The following LRRC32 variants were observed in gnomAD, a reference collection of about 807,000 sequenced individuals.
LRRC32 encodes the protein leucine rich repeat containing 32.
In LRRC32, 5 loss-of-function variants were observed where a neutral mutation model predicts 15.0. That is an observed-to-expected ratio of 0.33 (90% CI 0.17 to 0.70). The LOEUF is 0.70. Ranked by LOEUF, LRRC32 falls within the 30% of genes least tolerant of loss-of-function variation. The pLI is 0.66. For missense variants in LRRC32, 803 were observed against 854.2 expected, an observed-to-expected ratio of 0.94 and a Z score of 0.75; for synonymous variants, 391 against 403.9, an observed-to-expected ratio of 0.97 and a Z score of 0.38.
chr11:76,667,528 A>G (rs1435819307), intron 1 of LRRC32, among the ~76,000 whole-genome samples: 1 of 152,260 alleles, frequency 6.6e-6, no homozygotes, highest in Non-Finnish European at 1.5e-5. Flanking sequence ...CGCACAGACC[A>G]CAGCCGGACC....
chr11:76,667,996 GCTT>G (rs763815160), intron 1 of LRRC32, among the ~76,000 whole-genome samples: 1 of 152,240 alleles, frequency 6.6e-6, no homozygotes, highest in Non-Finnish European at 1.5e-5. Context: ...GAGCCCCTGA[GCTT>G]CCAGTGAGCA....
In LRRC32 at chr11:76,660,673, C is replaced by T; in HGVS notation, c.920G>A (p.Gly307Glu). The stretch of plus-strand genomic sequence containing the variant: ...GGAAAGGGGGCGGCCGCTGGCATTC[C>T]CGCTGGGGGCTGAGAGGGGCAGGGC... The part of the protein sequence containing the change: ...WSALPLSAPS[G>E]NASGRPLSQL... Residue 307 changes from glycine to glutamate, a missense_variant, in exon 3 of 3, where the codon GGG becomes GAG. Coordinates refer to ENST00000260061, the MANE Select transcript of LRRC32 (RefSeq NM_001128922.2). 1 of 1,614,118 alleles carries T rather than the reference C, an allele frequency of 6.2e-7. No homozygotes were observed. The highest frequency in any genetic ancestry group is 1.7e-5 in the Admixed American group (1 of 60,022).
At chr11:76,663,694 C>T (rs1952576795) in intron 2 of LRRC32, 1 of 152,450 alleles carries the variant, frequency 6.6e-6, no homozygotes, top group South Asian at 2.1e-4. Flanking sequence ...CACAACCTCT[C>T]TGTCTGCAGG....
In LRRC32 at chr11:76,660,921, G is replaced by A. The variant is rs766918387; in HGVS notation, c.672C>T (p.Asp224=). 2 of 1,614,210 alleles carry A rather than the reference G, an allele frequency of 1.2e-6. No homozygotes were observed. Among genetic ancestry groups the A allele is most frequent in the Non-Finnish European group, 8.5e-7 (1 of 1,180,048 alleles). Residue 224 remains aspartate, a synonymous_variant, in exon 3 of 3, where the codon GAC becomes GAT. Coordinates refer to ENST00000260061, the MANE Select transcript of LRRC32 (RefSeq NM_001128922.2). ...AGGCCTCGATGCTGTTGCAGCTCAG[G>A]TCTAGCACCCGCAGCTGCTGGAGGC... The part of the protein sequence containing the change: ...DFSLQQLRVL[D]LSCNSIEAFQ...
rs1488872540 is a variant in LRRC32 at position 76,659,924 on chromosome 11, C to G, written c.1669G>C (p.Gly557Arg). 6.2e-7 allele frequency: 1 copy of G among 1,613,624 alleles called. No individual in the cohort carries two copies. Among genetic ancestry groups the G allele is most frequent in the Non-Finnish European group, 8.5e-7 (1 of 1,179,962 alleles). ...CGCCGGAGGCTGGTCTCCAGGCCAC[C>G]CATGGCACTGCCTGGCAGGAGGCTG... is the stretch of plus-strand genomic sequence containing the variant. Reference protein sequence around the residue: ...SFSLLPGSAMGGLETSLRRLY... With the variant: ...SFSLLPGSAMRGLETSLRRLY... Residue 557 changes from glycine (G) to arginine (R), a missense_variant, in exon 3 of 3, where the codon GGT becomes CGT. Coordinates refer to ENST00000260061, the MANE Select transcript of LRRC32 (RefSeq NM_001128922.2).
chr11:76,665,743 A>T, intron 2 of LRRC32, 128 bp downstream of exon 2: 1 of 1,368,608 alleles, frequency 7.3e-7, no homozygotes, highest in Non-Finnish European at 1.0e-6. Context: ...GGTGCTCATT[A>T]AATGCAAGGT....
At chr11:76,661,785 T>C (rs1002360374) in intron 2 of LRRC32, among the ~76,000 whole-genome samples, 1 of 151,636 alleles carries the variant, frequency 6.6e-6, no homozygotes, top group Non-Finnish European at 1.5e-5. Context: ...GATAGACAGA[T>C]AGAAGGACAA....
At chr11:76,665,496 TGG>T (rs1952610542) in intron 2 of LRRC32, among the ~76,000 whole-genome samples, 1 of 152,176 alleles carries the variant, frequency 6.6e-6, no homozygotes, top group African/African-American at 2.4e-5. Flanking sequence ...CCCTCCCAGC[TGG>T]CCTACCCCAA....
In LRRC32 at chr11:76,659,527, T is replaced by A; in HGVS notation, c.*77A>T. On this transcript the variant is annotated 3_prime_UTR_variant, in exon 3 of 3. Coordinates refer to ENST00000260061, the MANE Select transcript of LRRC32 (RefSeq NM_001128922.2). ...CCAGAGTTCTGGGATCCCGGATCAC[T>A]GTGTGACCTTGAGTCAGTCCTCACT... 6.8e-7 allele frequency: 1 copy of A among 1,460,452 alleles called. No individual in the cohort carries two copies. The highest frequency in any genetic ancestry group is 1.3e-5 in the South Asian group (1 of 76,762). 90.5% of individuals were successfully genotyped at this position (1,460,452 alleles called of 1,614,324 possible).
At chr11:76,668,313 C>T (rs978141404) in intron 1 of LRRC32, among the ~76,000 whole-genome samples, 2 of 152,134 alleles carry the variant, frequency 1.3e-5, no homozygotes, top group African/African-American at 2.4e-5. Flanking sequence ...CAGACCGAGA[C>T]GCCACCCCAA....
Position 76,661,362 on chromosome 11 carries a change from G to A in LRRC32, c.231C>T (p.His77=), listed in dbSNP as rs1952528935. 2 of 1,614,204 alleles carry A rather than the reference G, an allele frequency of 1.2e-6. No individual in the cohort carries two copies. The highest frequency in any genetic ancestry group is 2.7e-5 in the African/African-American group (2 of 75,046). The change falls in exon 3 of 3, where the codon CAC becomes CAT. Residue 77 remains histidine, a synonymous_variant. Transcript: ENST00000260061. ...SPLGFYTALR[H]LDLSTNEISF... is the part of the protein sequence containing the mutation. ...TGATCTCATTGGTGCTCAGGTCCAG[G>A]TGACGAAGTGCTGTGTAGAAGCCCA...
chr11:76,659,375 C>G lies in LRRC32; in HGVS notation c.*229G>C, dbSNP rs540700020. On this transcript the variant is annotated 3_prime_UTR_variant, in exon 3 of 3. Transcript: ENST00000260061. ...GTTGATCTGACAGGTCAACATTATT[C>G]TCGGCTGTCCCTGAAACCGCCCAAC... 5.4e-6 allele frequency: 3 copies of G among 554,472 alleles called. No individual in the cohort carries two copies. In the Admixed American group the frequency reaches 9.4e-5, roughly 17 times the overall value. The allele number at this position is 554,472 out of a possible 1,614,324, so 34.3% of individuals were successfully genotyped here.
chr11:76,668,173 G>A (rs758162639), intron 1 of LRRC32, among the ~76,000 whole-genome samples: 1 of 152,008 alleles, frequency 6.6e-6, no homozygotes, highest in Non-Finnish European at 1.5e-5. Context: ...TCGTTACTGA[G>A]AGCAGTTCTC....
intron 2 of LRRC32, among the ~76,000 whole-genome samples, chr11:76,664,267 G>A (rs1369991940): frequency 6.6e-6 from 1 of 152,232 alleles, no homozygotes; most frequent in Non-Finnish European, 1.5e-5. Context: ...ATGGTGGGCA[G>A]GGCTGCACTG....
chr11:76,657,889 A>G lies in LRRC32; in HGVS notation c.*1715T>C, dbSNP rs1241242104. ...TCTCGCACATTACTGAGCCCACATC[A>G]TGAGCCAGACTGTGGGCCAAGCACA... On this transcript the variant is annotated 3_prime_UTR_variant, in exon 3 of 3. Transcript: ENST00000260061. 6.6e-6 allele frequency: 1 copy of G among 152,368 alleles called. No individual in the cohort carries two copies. 9.4% of individuals were successfully genotyped at this position (152,368 alleles called of 1,614,324 possible).
Position 76,659,325 on chromosome 11 carries a change from C to T in LRRC32, c.*279G>A. ...CCAGTGCCCAGAGCAGGGTGTGGCA[C>T]AAAATACATGCTCAGTGAAGATTTG... On this transcript the variant is annotated 3_prime_UTR_variant, in exon 3 of 3. Transcript: ENST00000260061. 2.3e-6 allele frequency: 1 copy of T among 429,418 alleles called. No homozygotes were observed. Among genetic ancestry groups the T allele is most frequent in the Non-Finnish European group, 4.2e-6 (1 of 236,172 alleles). 26.6% of individuals were successfully genotyped at this position (429,418 alleles called of 1,614,324 possible). A position where few individuals can be genotyped will look rare whatever the true frequency, so the allele number is the denominator to read the frequency against.
chr11:76,660,475 T>C lies in LRRC32; in HGVS notation c.1118A>G (p.Asn373Ser). ...GCCCAGTTCCAGTGTCTCCAGGGCA[T>C]TGTGGCTTAAGTCAAGGAGCATCAG... ...PCLMLLDLSH[N>S]ALETLELGAR... The change falls in exon 3 of 3, where the codon AAT becomes AGT. Residue 373 changes from asparagine to serine, a missense_variant. Physicochemically the swap from Asn to Ser is conservative, Grantham distance 46 (BLOSUM62 1). Transcript: ENST00000260061. 4.3e-6 allele frequency: 7 copies of C among 1,614,004 alleles called. No individual in the cohort carries two copies. In the South Asian group the frequency reaches 7.7e-5, roughly 18 times the overall value.
At position 76,659,723 on chromosome 11, in the gene LRRC32, T is replaced by C; in HGVS notation, c.1870A>G (p.Lys624Glu). ...AGGATGATGATGAGGTTGATGTTCT[T>C]CAGTCCCCCCTTCTCACAGTCCTCG... is the stretch of plus-strand genomic sequence containing the variant. ...RPEDCEKGGL[K>E]NINLIIILTF... Residue 624 changes from lysine (K) to glutamate (E), a missense_variant, in exon 3 of 3, where the codon AAG (lysine) becomes GAG (glutamate). Transcript: ENST00000260061. 1 of 1,614,212 alleles carries C rather than the reference T, an allele frequency of 6.2e-7. No individual in the cohort carries two copies. The highest frequency in any genetic ancestry group is 8.5e-7 in the Non-Finnish European group (1 of 1,180,030).
At chr11:76,665,021 G>A (rs543573720) in intron 2 of LRRC32, among the ~76,000 whole-genome samples, 2 of 152,332 alleles carry the variant, frequency 1.3e-5, no homozygotes, top group Non-Finnish European at 2.9e-5. Flanking sequence ...AGGGGCTTCC[G>A]GAGGCCCTGC....
Sources: allele counts gnomAD v4.1 joint callset (sites outside exome capture counted in the v4.1 genomes callset), GRCh38; gene constraint gnomAD v4.1.1; transcripts MANE v1.5; gene names NCBI Gene and HGNC (gene_info 2026-07-23, HGNC 2026-07-21).